CTNND2: variants seen among roughly 807,000 people sequenced by gnomAD.
CTNND2 encodes the protein catenin delta 2, also known as catenin delta-2.
A neutral mutation model predicts 144.4 loss-of-function variants in CTNND2; 22 were observed. The ratio of observed to expected loss-of-function variants is 0.15; its 90% confidence interval spans 0.11 to 0.22. The LOEUF (loss-of-function observed/expected upper bound fraction) is 0.22, where lower values mean the gene tolerates loss of function less well. CTNND2 is among the 10% of genes least tolerant of loss of function. CTNND2 has a pLI of 1.00. For missense variants in CTNND2, 1,353 were observed against 1,618.8 expected (o/e 0.84, Z 2.82); for synonymous variants, 751 against 695.6 (o/e 1.08, Z -1.25).
Position 11,464,522 on chromosome 5 carries a change from T to C in CTNND2, c.288-52453A>G, listed in dbSNP as rs538204848. On this transcript the variant is annotated intron_variant, in intron 3 of 21. Transcript: ENST00000304623. ...GCTCCAGACAACTAGGGCACAGTCA[T>C]TGTTAGAGCTTCCATATTTACTCTG... Among the ~76,000 whole-genome samples, 11 of 152,238 alleles carry C rather than the reference T, an allele frequency of 7.2e-5. No individual in the cohort carries two copies. The South Asian group carries it at 2.1e-3, about 29-fold the overall frequency.
intron 18 of CTNND2, among the ~76,000 whole-genome samples, chr5:10,995,195 T>C (rs1170867326): frequency 2.0e-5 from 3 of 152,046 alleles, no homozygotes; most frequent in African/African-American, 7.3e-5. Flanking sequence ...TGTAAGCGAA[T>C]GCAAATAAAG....
At chr5:11,852,054 G>A (rs899098422) in intron 1 of CTNND2, among the ~76,000 whole-genome samples, 8 of 151,808 alleles carry the variant, frequency 5.3e-5, no homozygotes, top group Admixed American at 2.0e-4. Flanking sequence ...TCTTAACCAC[G>A]CCACCTCTTT....
chr5:11,168,715 T>C (rs61751830), intron 11 of CTNND2, among the ~76,000 whole-genome samples: 14,058 of 152,286 alleles, frequency 0.092, 853 homozygotes, highest in Non-Finnish European at 0.13. Flanking sequence ...TGATTTCTTA[T>C]ACTTTGTTGT....
At chr5:11,534,111 C>T (rs1163911950) in intron 3 of CTNND2, among the ~76,000 whole-genome samples, 2 of 152,276 alleles carry the variant, frequency 1.3e-5, no homozygotes, top group Non-Finnish European at 2.9e-5. Context: ...CAGCCTCCTA[C>T]CGTGTTTAGA....
At chr5:11,834,151 A>G (rs1010547486) in intron 1 of CTNND2, among the ~76,000 whole-genome samples, 6 of 152,220 alleles carry the variant, frequency 3.9e-5, no homozygotes, top group Non-Finnish European at 7.3e-5. Flanking sequence ...AAAAGCACAC[A>G]GCCAATAAAA....
chr5:11,095,092 A>G (rs1422966231), intron 15 of CTNND2, among the ~76,000 whole-genome samples: 1 of 152,240 alleles, frequency 6.6e-6, no homozygotes, highest in Non-Finnish European at 1.5e-5. Flanking sequence ...AGAGACTCTT[A>G]AAATATAAAA....
intron 9 of CTNND2, among the ~76,000 whole-genome samples, chr5:11,314,182 G>T (rs1267685654): frequency 6.6e-6 from 1 of 152,142 alleles, no homozygotes; most frequent in Non-Finnish European, 1.5e-5. Context: ...CCTTCCTAGG[G>T]TCTCACACAG....
At chr5:11,435,735 C>G (rs1763714600) in intron 3 of CTNND2, among the ~76,000 whole-genome samples, 1 of 152,192 alleles carries the variant, frequency 6.6e-6, no homozygotes, top group Non-Finnish European at 1.5e-5. Flanking sequence ...ATATTGGTTT[C>G]AGATAGTATA....
intron 12 of CTNND2, among the ~76,000 whole-genome samples, chr5:11,144,503 G>A (rs1014367719): frequency 6.6e-5 from 10 of 152,106 alleles, no homozygotes; most frequent in Non-Finnish European, 1.3e-4. Flanking sequence ...TCTGTCACAT[G>A]CTCTCCTTGT....
intron 9 of CTNND2, among the ~76,000 whole-genome samples, chr5:11,297,821 A>C (rs1490052184): frequency 6.6e-6 from 1 of 152,176 alleles, no homozygotes; most frequent in Non-Finnish European, 1.5e-5. Flanking sequence ...CCTAGGATGC[A>C]AAAATCTATT....
At chr5:11,517,967 A>T (rs954781303) in intron 3 of CTNND2, among the ~76,000 whole-genome samples, 2 of 152,184 alleles carry the variant, frequency 1.3e-5, no homozygotes, top group Admixed American at 1.3e-4. Context: ...GTGGAATCTA[A>T]AATAGTCAAA....
chr5:11,057,098 C>T (rs6873849), intron 16 of CTNND2, among the ~76,000 whole-genome samples: 26,325 of 152,208 alleles, frequency 0.17, 4,266 homozygotes, highest in East Asian at 0.57. Context: ...GCCAAAATCT[C>T]TCCTCCAGCT....
At chr5:11,893,491 C>T (rs150022437) in intron 1 of CTNND2, among the ~76,000 whole-genome samples, 218 of 152,266 alleles carry the variant, frequency 1.4e-3, no homozygotes, top group Non-Finnish European at 1.9e-3. Flanking sequence ...ACAGTGGACT[C>T]GCCCATTATA....
intron 18 of CTNND2, among the ~76,000 whole-genome samples, chr5:11,006,721 C>T (rs1740526046): frequency 6.6e-6 from 1 of 152,158 alleles, no homozygotes; most frequent in Admixed American, 6.5e-5. Context: ...GAATGAACTC[C>T]AACCTTCCTA....
At chr5:11,092,044 C>T (rs888124818) in intron 15 of CTNND2, among the ~76,000 whole-genome samples, 2 of 152,148 alleles carry the variant, frequency 1.3e-5, no homozygotes, top group Non-Finnish European at 2.9e-5. Flanking sequence ...CCGAGATCCC[C>T]CTGGTCCCTC....
chr5:11,021,450 A>G (rs888935982), intron 17 of CTNND2, among the ~76,000 whole-genome samples: 1 of 152,214 alleles, frequency 6.6e-6, no homozygotes. Flanking sequence ...CCAAAGGTCT[A>G]TTGAAGCTAA....
intron 12 of CTNND2, among the ~76,000 whole-genome samples, chr5:11,151,182 G>A (rs114941026): frequency 2.0e-3 from 310 of 152,334 alleles, no homozygotes; most frequent in African/African-American, 7.3e-3. Context: ...GAAAATCGAT[G>A]TGTTACAGTG....
chr5:11,509,434 AT>A (rs34036080), intron 3 of CTNND2, among the ~76,000 whole-genome samples: 2,453 of 152,260 alleles, frequency 0.016, 68 homozygotes, highest in African/African-American at 0.056. Flanking sequence ...TATATTTCCC[AT>A]TTTTCCTACA....
At chr5:11,033,205 T>A (rs1049871791) in intron 16 of CTNND2, among the ~76,000 whole-genome samples, 1 of 152,164 alleles carries the variant, frequency 6.6e-6, no homozygotes, top group Non-Finnish European at 1.5e-5. Flanking sequence ...TTAAAATGTA[T>A]CCCCTGGTTC....
Sources: gnomAD v4.1 joint callset for allele counts (sites outside exome capture counted in the v4.1 genomes callset) on GRCh38, gnomAD v4.1.1 for gene constraint, MANE v1.5 for transcripts, NCBI Gene and HGNC (gene_info 2026-07-23, HGNC 2026-07-21) for gene names.